DLGAP1: variants seen among roughly 807,000 people sequenced by gnomAD.
The protein encoded by DLGAP1 is DLG associated protein 1, also known as disks large-associated protein 1.
Under a neutral mutation model 90.8 loss-of-function variants are expected in DLGAP1, and 11 were observed. The observed-to-expected ratio is 0.12, with a 90% CI of 0.08 to 0.20. The LOEUF (loss-of-function observed/expected upper bound fraction) is 0.20, where lower values mean the gene tolerates loss of function less well. DLGAP1 is among the 10% of genes least tolerant of loss of function. DLGAP1 has a pLI of 1.00. For synonymous variants in DLGAP1, 558 were observed against 540.7 expected, an observed-to-expected ratio of 1.03 and a Z score of -0.44; for missense variants, 1,050 against 1,333.8, an observed-to-expected ratio of 0.79 and a Z score of 3.31.
At chr18:4,045,655 T>C (rs1342006501) in intron 2 of DLGAP1, among the ~76,000 whole-genome samples, 1 of 151,850 alleles carries the variant, frequency 6.6e-6, no homozygotes, top group East Asian at 1.9e-4. Flanking sequence ...CATAATCATA[T>C]TGCTGCTTTT....
intron 9 of DLGAP1, among the ~76,000 whole-genome samples, chr18:3,563,315 A>G (rs1212341962): frequency 6.6e-6 from 1 of 152,102 alleles, no homozygotes; most frequent in Non-Finnish European, 1.5e-5. Flanking sequence ...GAGGTGTCTG[A>G]CATTAATTTG....
chr18:3,814,825 G>T (rs1258599717), intron 4 of DLGAP1, among the ~76,000 whole-genome samples: 3 of 152,130 alleles, frequency 2.0e-5, no homozygotes, highest in Non-Finnish European at 2.9e-5. Flanking sequence ...ATTTAAAAAT[G>T]TATAAATAAG....
chr18:3,576,875 T>A (rs910814444), intron 8 of DLGAP1, among the ~76,000 whole-genome samples: 5 of 145,460 alleles, frequency 3.4e-5, no homozygotes. Flanking sequence ...CTTTTTTTTT[T>A]TCTTGAGACG....
intron 2 of DLGAP1, among the ~76,000 whole-genome samples, chr18:4,059,142 C>T (rs2075264559): frequency 6.6e-6 from 1 of 152,206 alleles, no homozygotes; most frequent in African/African-American, 2.4e-5. Flanking sequence ...CCATTGCCTC[C>T]TCTGTAATTG....
intron 4 of DLGAP1, among the ~76,000 whole-genome samples, chr18:3,823,245 T>C (rs1042571490): frequency 6.6e-6 from 1 of 152,170 alleles, no homozygotes; most frequent in African/African-American, 2.4e-5. Flanking sequence ...CAGAGGTGAA[T>C]GATCTAAGCT....
At chr18:3,551,926 C>T (rs1053626127) in intron 9 of DLGAP1, among the ~76,000 whole-genome samples, 11 of 150,770 alleles carry the variant, frequency 7.3e-5, no homozygotes, top group African/African-American at 2.7e-4. Context: ...CTACAGGCAG[C>T]CGCCATCACA....
chr18:3,588,558 G>T (rs2056035332), intron 7 of DLGAP1, among the ~76,000 whole-genome samples: 1 of 151,922 alleles, frequency 6.6e-6, no homozygotes, highest in Non-Finnish European at 1.5e-5. Flanking sequence ...GAGGCAGGTG[G>T]ATCACAAGGT....
In DLGAP1 at chr18:4,383,097, CA is replaced by C. The variant is rs1182836622; in HGVS notation, c.-267+71908del. Among the ~76,000 whole-genome samples the C allele has an allele frequency of 6.6e-6, 1 of 152,074 alleles. No individual in the cohort carries two copies. The highest frequency in any genetic ancestry group is 1.9e-4 in the East Asian group (1 of 5,188). ...TGATCTGCCTGCTAACAGAGTTTAG[CA>C]AAGGAATCAGAGGTTAATTACCTTC... On this transcript the variant is annotated intron_variant, in intron 1 of 12. Coordinates refer to ENST00000315677, the MANE Select transcript of DLGAP1 (RefSeq NM_004746.4). This position sits in a 1 kb window ranked among gnomAD's most constrained non-coding sequence, Gnocchi z 4.0.
At chr18:3,777,178 A>G (rs7240368) in intron 5 of DLGAP1, among the ~76,000 whole-genome samples, 2,092 of 152,290 alleles carry the variant, frequency 0.014, 53 homozygotes, top group African/African-American at 0.047. Context: ...AAAAAAACTT[A>G]CATTTAAACA....
chr18:3,619,892 C>G (rs535966783), intron 7 of DLGAP1, among the ~76,000 whole-genome samples: 1 of 151,856 alleles, frequency 6.6e-6, no homozygotes, highest in South Asian at 2.1e-4. Context: ...TCATTGCGCA[C>G]TACAGCCTTG....
At chr18:4,367,645 C>T (rs770828742) in intron 1 of DLGAP1, among the ~76,000 whole-genome samples, 4 of 152,130 alleles carry the variant, frequency 2.6e-5, no homozygotes, top group African/African-American at 9.6e-5. Flanking sequence ...GTCAGGAGAT[C>T]GAGACCATCT....
chr18:3,571,261 T>C (rs976128251), intron 8 of DLGAP1: 1 of 151,732 alleles, frequency 6.6e-6, no homozygotes, highest in Admixed American at 6.6e-5. Flanking sequence ...CAGTGGCTAT[T>C]CACAAAGTCG....
chr18:4,315,100 A>G (rs1055168194), intron 1 of DLGAP1, among the ~76,000 whole-genome samples: 8 of 152,324 alleles, frequency 5.3e-5, no homozygotes, highest in Admixed American at 5.2e-4. Flanking sequence ...CTGGAGTCAA[A>G]CTGCTAGGGT....
chr18:4,172,028 A>G (rs1568432763), intron 1 of DLGAP1, among the ~76,000 whole-genome samples: 2 of 152,246 alleles, frequency 1.3e-5, no homozygotes, highest in Non-Finnish European at 2.9e-5. Flanking sequence ...AATCATTATG[A>G]TAATGAGTTT....
Position 3,508,671 on chromosome 18 carries a change from G to T in DLGAP1, c.2480-10C>A. On this transcript the variant is annotated splice_polypyrimidine_tract_variant and intron_variant, in intron 10 of 12. Coordinates refer to ENST00000315677, the MANE Select transcript of DLGAP1 (RefSeq NM_004746.4). ...CGGATTTTTCCTAGAACTGGAAAGA[G>T]CAAACATACGAGAAATTTACACATC... 6.2e-7 allele frequency: 1 copy of T among 1,605,794 alleles called. No individual in the cohort carries two copies. Among genetic ancestry groups the T allele is most frequent in the Non-Finnish European group, 8.5e-7 (1 of 1,173,708 alleles).
At chr18:3,570,281 A>AT (rs11326598) in intron 8 of DLGAP1, among the ~76,000 whole-genome samples, 212 of 143,788 alleles carry the variant, frequency 1.5e-3, no homozygotes, top group Middle Eastern at 0.011. Context: ...TTTTTCCTAA[A>AT]TTTTTTTTTT....
intron 7 of DLGAP1, among the ~76,000 whole-genome samples, chr18:3,672,430 A>T (rs565160326): frequency 6.6e-6 from 1 of 151,994 alleles, no homozygotes; most frequent in Admixed American, 6.6e-5. Flanking sequence ...ATACAAAATC[A>T]GCTGGGTGTG....
chr18:4,127,850 T>C (rs989818660), intron 2 of DLGAP1, among the ~76,000 whole-genome samples: 3 of 152,162 alleles, frequency 2.0e-5, no homozygotes, highest in African/African-American at 7.2e-5. Context: ...AATTAAATTA[T>C]CCAATCACTG....
At chr18:3,645,284 G>C (rs895537363) in intron 7 of DLGAP1, among the ~76,000 whole-genome samples, 2 of 151,826 alleles carry the variant, frequency 1.3e-5, no homozygotes, top group African/African-American at 2.4e-5. Flanking sequence ...GTAGAGACAG[G>C]GTTTCACATG....
Sources: allele counts gnomAD v4.1 joint callset (sites outside exome capture counted in the v4.1 genomes callset), GRCh38; gene constraint gnomAD v4.1.1; non-coding constraint Gnocchi (gnomAD v3.1); transcripts MANE v1.5; gene names NCBI Gene and HGNC (gene_info 2026-07-23, HGNC 2026-07-21).